The following WDPCP variants were observed in gnomAD, a reference collection of about 807,000 sequenced individuals.
The protein encoded by WDPCP is WD repeat-containing and planar cell polarity effector protein fritz homolog.
Under a neutral mutation model 93.1 loss-of-function variants are expected in WDPCP, and 71 were observed. The observed-to-expected ratio is 0.76, with a 90% CI of 0.63 to 0.93. The LOEUF (loss-of-function observed/expected upper bound fraction) is 0.93, where lower values mean the gene tolerates loss of function less well. Ranked by LOEUF, WDPCP falls within the 40% of genes least tolerant of loss-of-function variation. The probability of loss-of-function intolerance (pLI) is 0.00; values close to 1 mark genes in which losing one functional copy is unlikely to be tolerated. For synonymous variants in WDPCP, 315 were observed against 315.0 expected, an observed-to-expected ratio of 1.00 and a Z score of 0.00; for missense variants, 844 against 887.4, an observed-to-expected ratio of 0.95 and a Z score of 0.62.
chr2:63,758,151 T>C (rs984144088), intron 2 of WDPCP, among the ~76,000 whole-genome samples: 2 of 151,768 alleles, frequency 1.3e-5, no homozygotes, highest in Non-Finnish European at 2.9e-5. Context: ...CTAGGTAAAA[T>C]TGTTGGCCAA....
intron 2 of WDPCP, among the ~76,000 whole-genome samples, chr2:63,738,346 T>C (rs1044303651): frequency 3.2e-5 from 4 of 123,326 alleles, no homozygotes; most frequent in Admixed American, 8.0e-5. Context: ...CACAACAGAA[T>C]GTTCAGCAAA....
intron 12 of WDPCP, among the ~76,000 whole-genome samples, chr2:63,327,926 A>C (rs949395737): frequency 6.6e-6 from 1 of 152,154 alleles, no homozygotes; most frequent in Non-Finnish European, 1.5e-5. Flanking sequence ...ACTGGCCTAA[A>C]GAGTTCCCCT....
chr2:63,347,730 G>GCCCCCCC (rs5831659), intron 12 of WDPCP, among the ~76,000 whole-genome samples: 6 of 143,738 alleles, frequency 4.2e-5, no homozygotes, highest in African/African-American at 1.0e-4. Context: ...GGGGGAAATT[G>GCCCCCCC]CCCCCCCCGC....
intron 1 of WDPCP, among the ~76,000 whole-genome samples, chr2:63,553,440 C>T (rs1373679962): frequency 1.3e-5 from 2 of 152,004 alleles, no homozygotes; most frequent in Admixed American, 6.6e-5. Context: ...GTGTTTTGTC[C>T]TCCAGGATGC....
intron 1 of WDPCP, among the ~76,000 whole-genome samples, chr2:63,542,354 G>C (rs1013164349): frequency 7.9e-5 from 12 of 152,136 alleles, no homozygotes; most frequent in South Asian, 2.1e-4. Flanking sequence ...CACTGCAGCT[G>C]CAAGAGCAAT....
At chr2:63,214,681 T>A (rs537058279) in intron 14 of WDPCP, among the ~76,000 whole-genome samples, 2 of 152,322 alleles carry the variant, frequency 1.3e-5, no homozygotes, top group South Asian at 4.1e-4. Flanking sequence ...GGAAGTCAAG[T>A]TGTCCCTGTT....
intron 17 of WDPCP, among the ~76,000 whole-genome samples, chr2:63,135,684 CTCTT>C (rs1319452628): frequency 6.6e-6 from 1 of 152,102 alleles, no homozygotes; most frequent in African/African-American, 2.4e-5. Context: ...ACATAATCCT[CTCTT>C]TATGTTTTTC....
chr2:63,427,818 A>C (rs1274111475), intron 9 of WDPCP, among the ~76,000 whole-genome samples: 1 of 152,188 alleles, frequency 6.6e-6, no homozygotes, highest in Non-Finnish European at 1.5e-5. Context: ...AACAAGATTA[A>C]TAGAGTGCTA....
intron 2 of WDPCP, among the ~76,000 whole-genome samples, chr2:63,709,403 T>C (rs1669226453): frequency 6.6e-6 from 1 of 152,154 alleles, no homozygotes. Context: ...GGTATTATCA[T>C]ATTTGACATT....
chr2:63,748,414 G>C (rs1219799955), intron 2 of WDPCP, among the ~76,000 whole-genome samples: 1 of 151,864 alleles, frequency 6.6e-6, no homozygotes, highest in South Asian at 2.1e-4. Flanking sequence ...TCTATTCCTA[G>C]TTAACTAGAT....
At position 63,225,751 on chromosome 2, in the gene WDPCP, A is replaced by G. The variant is rs562986013; in HGVS notation, c.1915+33556T>C. ...CATCTACCTCTGCCAACACACAGAA[A>G]GGTGCAAATAGTCATCTGTGTGTAT... On this transcript the variant is annotated intron_variant, in intron 14 of 17. Coordinates refer to ENST00000272321, the MANE Select transcript of WDPCP (RefSeq NM_015910.7). Among the ~76,000 whole-genome samples the G allele has an allele frequency of 8.6e-5, 13 of 152,040 alleles. No individual in the cohort carries two copies. The South Asian group carries it at 2.3e-3, about 27-fold the overall frequency.
intron 1 of WDPCP, among the ~76,000 whole-genome samples, chr2:63,820,221 A>T (rs528563015): frequency 2.0e-4 from 30 of 152,342 alleles, no homozygotes; most frequent in African/African-American, 6.7e-4. Flanking sequence ...TTTGTCAGGA[A>T]AATGAATAGT....
chr2:63,586,105 C>T (rs1461516736), intron 1 of WDPCP, among the ~76,000 whole-genome samples: 1 of 152,148 alleles, frequency 6.6e-6, no homozygotes, highest in Non-Finnish European at 1.5e-5. Context: ...GCTGAGATTA[C>T]AAGTGTGAGC....
intron 14 of WDPCP, among the ~76,000 whole-genome samples, chr2:63,182,732 T>C (rs1674339055): frequency 6.6e-6 from 1 of 151,646 alleles, no homozygotes; most frequent in Non-Finnish European, 1.5e-5. Flanking sequence ...CAGTTCTTTG[T>C]AGATTTGGTA....
intron 14 of WDPCP, among the ~76,000 whole-genome samples, chr2:63,230,781 G>A (rs1678797355): frequency 6.6e-6 from 1 of 152,034 alleles, no homozygotes; most frequent in South Asian, 2.1e-4. Flanking sequence ...TTTTGATGGG[G>A]TTGATTTTTT....
At chr2:63,643,239 C>A in intron 3 of WDPCP, 1 of 256,606 alleles carries the variant, frequency 3.9e-6, no homozygotes, top group South Asian at 5.4e-5. Flanking sequence ...GTACAAAAAG[C>A]TTTCTAACAT....
At chr2:63,551,329 T>C (rs1575629363) in intron 1 of WDPCP, among the ~76,000 whole-genome samples, 2 of 152,170 alleles carry the variant, frequency 1.3e-5, no homozygotes, top group East Asian at 1.9e-4. Flanking sequence ...GTGTTGGAGA[T>C]GGGGCCTGGC....
At chr2:63,606,815 A>C in intron 3 of WDPCP, 1 of 1,499,276 alleles carries the variant, frequency 6.7e-7, no homozygotes, top group Non-Finnish European at 9.0e-7. Context: ...TGCTTACTGA[A>C]AGATCAGTTC....
intron 6 of WDPCP, among the ~76,000 whole-genome samples, chr2:63,452,792 A>G (rs966415151): frequency 6.6e-6 from 1 of 152,214 alleles, no homozygotes; most frequent in Non-Finnish European, 1.5e-5. Flanking sequence ...AATACCACAC[A>G]TCTACAACTA....
Sources: gnomAD v4.1 joint callset for allele counts (sites outside exome capture counted in the v4.1 genomes callset) on GRCh38, gnomAD v4.1.1 for gene constraint, MANE v1.5 for transcripts, NCBI Gene and HGNC (gene_info 2026-07-23, HGNC 2026-07-21) for gene names.